Variants in LDB3 observed in about 807,000 individuals in gnomAD.
LDB3 encodes the protein LIM domain-binding protein 3.
Under a neutral mutation model 69.0 loss-of-function variants are expected in LDB3, and 49 were observed. The observed-to-expected ratio is 0.71, with a 90% CI of 0.56 to 0.90. The LOEUF (loss-of-function observed/expected upper bound fraction) is 0.90. Ranked by LOEUF, LDB3 falls within the 40% of genes least tolerant of loss-of-function variation. The pLI is 0.00. For synonymous variants in LDB3, 387 were observed against 396.2 expected, an observed-to-expected ratio of 0.98 and a Z score of 0.28; for missense variants, 928 against 974.1, an observed-to-expected ratio of 0.95 and a Z score of 0.63.
intron 2 of LDB3, among the ~76,000 whole-genome samples, chr10:86,678,035 TTTTG>T (rs377210873): frequency 6.6e-5 from 10 of 151,984 alleles, no homozygotes; most frequent in East Asian, 5.8e-4. Flanking sequence ...GCCTGCAGTT[TTTTG>T]TTTGTTTGTT....
At chr10:86,718,176 A>G (rs1589676920) in intron 11 of LDB3, 32 bp downstream of exon 11, 1 of 1,597,670 alleles carries the variant, frequency 6.3e-7, no homozygotes, top group South Asian at 1.1e-5. Flanking sequence ...CCTCTGACCC[A>G]TGTCTCTTCC....
rs1458557837 is a variant in LDB3 at position 86,706,632 on chromosome 10, C to T, written c.998C>T (p.Ser333Leu). The T allele has an allele frequency of 1.2e-6, 2 of 1,613,132 alleles. No individual in the cohort carries two copies. The highest frequency in any genetic ancestry group is 2.2e-5 in the East Asian group (1 of 44,876). Residue 333 changes from serine to leucine, a missense_variant, in exon 8 of 14, where the codon TCG becomes TTG. Coordinates refer to ENST00000361373, the MANE Select transcript of LDB3 (RefSeq NM_007078.3). ...GCTGCTGCCTCTCCCAGTGCGGCTT[C>T]GCCACCCCTGGCCACAGCTGCTGCC... ...PPAAASPSAA[S>L]PPLATAAAHT...
intron 5 of LDB3, among the ~76,000 whole-genome samples, chr10:86,690,782 C>G (rs913985879): frequency 7.2e-5 from 11 of 152,240 alleles, no homozygotes; most frequent in African/African-American, 1.9e-4. Context: ...GCAGAAGTAG[C>G]CTTCCTGAGC....
At chr10:86,683,876 A>G (rs1845296544) in intron 5 of LDB3, among the ~76,000 whole-genome samples, 1 of 152,368 alleles carries the variant, frequency 6.6e-6, no homozygotes, top group Non-Finnish European at 1.5e-5. Context: ...TGACCCGTTC[A>G]GTCTGCACAA....
intron 9 of LDB3, among the ~76,000 whole-genome samples, chr10:86,710,743 A>G (rs1846616467): frequency 6.6e-6 from 1 of 152,202 alleles, no homozygotes; most frequent in Admixed American, 6.5e-5. Context: ...ACAGGCACTG[A>G]GTCAGGGCAG....
chr10:86,692,503 G>A (rs750285320), intron 6 of LDB3, 32 bp from the exon 7 acceptor site: 1 of 1,612,880 alleles, frequency 6.2e-7, no homozygotes, highest in Non-Finnish European at 8.5e-7. Context: ...TGTCTCCCGT[G>A]AGTCCCCTGA....
intron 7 of LDB3, among the ~76,000 whole-genome samples, chr10:86,701,057 G>A (rs139198501): frequency 1.6e-4 from 25 of 152,260 alleles, no homozygotes; most frequent in Middle Eastern, 6.8e-3. Flanking sequence ...GTTTGAGGCC[G>A]CTCTCTCCTG....
Position 86,716,476 on chromosome 10 carries a change from T to G in LDB3, c.1381T>G (p.Tyr461Asp), listed in dbSNP as rs145655904. Residue 461 changes from tyrosine to aspartate, a missense_variant, in exon 10 of 14, where the codon TAT becomes GAT. Tyr to Asp is a radical substitution (Grantham distance 160). Transcript: ENST00000361373. ...PTYTPSPAPA[Y>D]TPSPAPNYNP... Reference sequence around the variant, plus strand: ...CTACACTCCATCCCCAGCACCAGCCTATACCCCCTCACCTGCCCCCAACTA... The same window carrying G: ...CTACACTCCATCCCCAGCACCAGCCGATACCCCCTCACCTGCCCCCAACTA... The G allele has an allele frequency of 2.9e-6, 4 of 1,392,288 alleles. No homozygotes were observed. In the African/African-American group the frequency reaches 6.3e-5, roughly 22 times the overall value. 86.2% of individuals were successfully genotyped at this position (1,392,288 alleles called of 1,614,324 possible). A position where few individuals can be genotyped will look rare whatever the true frequency, so the allele number is the denominator to read the frequency against.
intron 2 of LDB3, 43 bp from the exon 3 acceptor site, chr10:86,679,324 C>G: frequency 6.2e-7 from 1 of 1,613,378 alleles, no homozygotes; most frequent in South Asian, 1.1e-5. Flanking sequence ...TTCCTCAGGA[C>G]CACCTTCCTT....
At chr10:86,693,472 C>T (rs190563494) in intron 7 of LDB3, among the ~76,000 whole-genome samples, 1 of 152,368 alleles carries the variant, frequency 6.6e-6, no homozygotes, top group African/African-American at 2.4e-5. Context: ...ACCAGCAGGC[C>T]CAACACTCAG....
chr10:86,723,526 A>C (rs1163224692), intron 12 of LDB3, among the ~76,000 whole-genome samples: 1 of 152,136 alleles, frequency 6.6e-6, no homozygotes, highest in Non-Finnish European at 1.5e-5. Context: ...GTGTAAGAGA[A>C]AGTCCAGGGC....
chr10:86,723,447 A>G lies in LDB3; in HGVS notation c.1979-2690A>G, dbSNP rs528678429. On this transcript the variant is annotated intron_variant, in intron 12 of 13. Coordinates refer to ENST00000361373, the MANE Select transcript of LDB3 (RefSeq NM_007078.3). ...CAGCCTAGCACAAAGGATTGCAGAG[A>G]TTCTCTCAGGTACAGAAAGTGGGGA... Among the ~76,000 whole-genome samples, 3 of 152,176 alleles carry G rather than the reference A, an allele frequency of 2.0e-5. No homozygotes were observed. In the East Asian group the frequency reaches 5.8e-4, roughly 29 times the overall value.
At chr10:86,706,017 C>T (rs1846424802) in intron 7 of LDB3, among the ~76,000 whole-genome samples, 1 of 152,152 alleles carries the variant, frequency 6.6e-6, no homozygotes, top group Non-Finnish European at 1.5e-5. Flanking sequence ...TTGTTGGTGC[C>T]CTGAGTCCTT....
chr10:86,678,240 G>A (rs12251973), intron 2 of LDB3, among the ~76,000 whole-genome samples: 2,184 of 150,348 alleles, frequency 0.015, 52 homozygotes, highest in African/African-American at 0.051. Flanking sequence ...TGGTACAGAC[G>A]GGGTTTCACC....
intron 7 of LDB3, among the ~76,000 whole-genome samples, chr10:86,701,571 A>C (rs756085148): frequency 6.6e-5 from 10 of 152,248 alleles, no homozygotes; most frequent in Non-Finnish European, 1.2e-4. Flanking sequence ...TGGGTGCTAA[A>C]GGAATCGGAA....
intron 5 of LDB3, among the ~76,000 whole-genome samples, chr10:86,690,930 G>A (rs1845727857): frequency 6.6e-6 from 1 of 152,202 alleles, no homozygotes; most frequent in Admixed American, 6.5e-5. Flanking sequence ...TTCAGCATCT[G>A]TACGAGGAGA....
rs45459491 is a variant in LDB3, at chr10:86,706,708, C to T, written c.1074C>T (p.Ala358=). ...ASTTAPASSP[A]DSPRPQASSY... is the part of the protein sequence containing the mutation. ...CCACAGCCCCTGCTTCAAGTCCTGC[C>T]GACAGCCCAAGGTAACTGGGCCACA... Residue 358 remains alanine (A), a synonymous_variant, in exon 8 of 14, where the codon GCC becomes GCT. Coordinates refer to ENST00000361373, the MANE Select transcript of LDB3 (RefSeq NM_007078.3). The T allele has an allele frequency of 0.038, 60,764 of 1,611,890 alleles. 1,352 individuals are homozygous for T. The highest frequency in any genetic ancestry group is 0.058 in the South Asian group (5,262 of 90,966).
At chr10:86,718,360 G>A (rs1263763111) in intron 11 of LDB3, among the ~76,000 whole-genome samples, 1 of 152,166 alleles carries the variant, frequency 6.6e-6, no homozygotes, top group Non-Finnish European at 1.5e-5. Flanking sequence ...AGCTTGAAGT[G>A]GTGGTGGAAC....
Position 86,699,618 on chromosome 10 carries a change from G to C in LDB3, c.897-6913G>C. On this transcript the variant is annotated intron_variant, in intron 7 of 13. Coordinates refer to ENST00000361373, the MANE Select transcript of LDB3 (RefSeq NM_007078.3). This position sits in a 1 kb window ranked among gnomAD's most constrained non-coding sequence, Gnocchi z 4.9. ...GGCAACCCTCGCCACCCCCCAAATA[G>C]CCCGTAGCCCAATCCCCTGCCCTCT... 7.3e-7 allele frequency: 1 copy of C among 1,361,276 alleles called. No homozygotes were observed. The allele number at this position is 1,361,276 out of a possible 1,614,324, so 84.3% of individuals were successfully genotyped here.
Sources: gnomAD v4.1 joint callset for allele counts (sites outside exome capture counted in the v4.1 genomes callset) on GRCh38, gnomAD v4.1.1 for gene constraint, Gnocchi (gnomAD v3.1) non-coding constraint, MANE v1.5 for transcripts, NCBI Gene and HGNC (gene_info 2026-07-23, HGNC 2026-07-21) for gene names.